TMEM207: variants seen among roughly 807,000 people sequenced by gnomAD.
TMEM207 encodes the protein SRSR846.
Under a neutral mutation model 17.4 loss-of-function variants are expected in TMEM207, and 15 were observed. The observed-to-expected ratio is 0.86, with a 90% CI of 0.58 to 1.33. The LOEUF (loss-of-function observed/expected upper bound fraction) is 1.33. Ranked by LOEUF, TMEM207 falls within the 40% of genes most tolerant of loss-of-function variation. TMEM207 has a pLI of 0.00. For synonymous variants in TMEM207, 70 were observed against 65.6 expected (o/e 1.07, Z -0.33); for missense variants, 205 against 173.8 (o/e 1.18, Z -1.01).
At chr3:190,449,562 T>C (rs778696091) in intron 1 of TMEM207, among the ~76,000 whole-genome samples, 173 bp downstream of exon 1, 2 of 152,362 alleles carry the variant, frequency 1.3e-5, no homozygotes, top group East Asian at 1.9e-4. Flanking sequence ...ACATTTTGTT[T>C]TGTCCCTCTG....
chr3:190,435,786 T>C (rs1012040376), intron 4 of TMEM207, among the ~76,000 whole-genome samples: 20 of 152,192 alleles, frequency 1.3e-4, no homozygotes, highest in African/African-American at 4.8e-4. Flanking sequence ...CTGTGGTCTG[T>C]GGTGTTTGGG....
rs184753074 is a variant in TMEM207, at chr3:190,449,816, A to C, written c.-7T>G. ...AAAGTCTGGATCTTGACATATTTAA[A>C]GGACAGTCAACTTAGGATAGTGGTT... On this transcript the variant is annotated 5_prime_UTR_variant, in exon 1 of 5. Transcript: ENST00000354905. 1 of 1,613,434 alleles carries C rather than the reference A, an allele frequency of 6.2e-7. No homozygotes were observed. The highest frequency in any genetic ancestry group is 8.5e-7 in the Non-Finnish European group (1 of 1,179,444).
Position 190,432,421 on chromosome 3 carries a change from G to A in TMEM207, c.305-2690C>T, listed in dbSNP as rs149013614. Among the ~76,000 whole-genome samples the A allele has an allele frequency of 7.2e-4, 109 of 152,278 alleles. No homozygotes were observed. In the East Asian group the frequency reaches 0.015, roughly 21 times the overall value. On this transcript the variant is annotated intron_variant, in intron 4 of 4. Transcript: ENST00000354905. ...GTCAGAATGATAGTGAACCTTCATA[G>A]AGTGGTAAGGAAGAATAAATGAGAT...
chr3:190,442,477 C>G (rs1278560423), intron 2 of TMEM207, among the ~76,000 whole-genome samples: 1 of 152,182 alleles, frequency 6.6e-6, no homozygotes, highest in Non-Finnish European at 1.5e-5. Context: ...TCAGAAATGA[C>G]TTTTAACATA....
At chr3:190,447,305 C>G (rs1029194767) in intron 2 of TMEM207, among the ~76,000 whole-genome samples, 1 of 152,120 alleles carries the variant, frequency 6.6e-6, no homozygotes, top group Admixed American at 6.5e-5. Context: ...GTCTATCGCA[C>G]AAAAAGTGAA....
intron 4 of TMEM207, among the ~76,000 whole-genome samples, chr3:190,433,528 C>T (rs543405366): frequency 2.8e-4 from 43 of 152,178 alleles, no homozygotes; most frequent in African/African-American, 9.4e-4. Context: ...AACTGCTGAG[C>T]GATGACCACA....
intron 4 of TMEM207, among the ~76,000 whole-genome samples, chr3:190,432,082 C>G (rs764021567): frequency 6.6e-6 from 1 of 152,044 alleles, no homozygotes; most frequent in Non-Finnish European, 1.5e-5. Flanking sequence ...ATTAAAAATG[C>G]CAGCAAAAAT....
At chr3:190,449,227 T>C (rs149498117) in intron 1 of TMEM207, among the ~76,000 whole-genome samples, 1 of 152,294 alleles carries the variant, frequency 6.6e-6, no homozygotes, top group Non-Finnish European at 1.5e-5. Context: ...TCTAAATCTT[T>C]CAGATACCTT....
chr3:190,443,660 C>T (rs528558921), intron 2 of TMEM207, among the ~76,000 whole-genome samples: 142 of 152,192 alleles, frequency 9.3e-4, no homozygotes, highest in African/African-American at 3.1e-3. Flanking sequence ...CTCCCCTCCT[C>T]GAATCATTAT....
At chr3:190,432,631 A>C (rs1402857467) in intron 4 of TMEM207, among the ~76,000 whole-genome samples, 1 of 152,198 alleles carries the variant, frequency 6.6e-6, no homozygotes, top group African/African-American at 2.4e-5. Context: ...TTTCTGAAAA[A>C]TCATAAAATA....
At position 190,430,657 on chromosome 3, in the gene TMEM207, A is replaced by G. The variant is rs375387752; in HGVS notation, c.305-926T>C. On this transcript the variant is annotated intron_variant, in intron 4 of 4. Transcript: ENST00000354905. ...AAAAATTCATCTTTAAAAAGAAACT[A>G]GTCCCGTGAACTAAATCGGGCCTCT... Among the ~76,000 whole-genome samples the G allele has an allele frequency of 5.3e-5, 8 of 152,208 alleles. No homozygotes were observed. The East Asian group carries it at 7.7e-4, about 15-fold the overall frequency.
At chr3:190,435,071 G>A (rs920293806) in intron 4 of TMEM207, among the ~76,000 whole-genome samples, 22 of 150,284 alleles carry the variant, frequency 1.5e-4, no homozygotes, top group Non-Finnish European at 2.2e-4. Context: ...CCTCTTCTTC[G>A]TTCTCTGACA....
intron 4 of TMEM207, among the ~76,000 whole-genome samples, chr3:190,432,272 C>T (rs1458344640): frequency 6.6e-6 from 1 of 152,166 alleles, no homozygotes; most frequent in Non-Finnish European, 1.5e-5. Context: ...CTTCTCTTTC[C>T]TTTACCTCAT....
At chr3:190,434,711 A>G (rs1213490844) in intron 4 of TMEM207, among the ~76,000 whole-genome samples, 1 of 152,238 alleles carries the variant, frequency 6.6e-6, no homozygotes, top group African/African-American at 2.4e-5. Flanking sequence ...GAAGGAACTA[A>G]GAAGGTCTCA....
chr3:190,433,200 C>T (rs1230671090), intron 4 of TMEM207, among the ~76,000 whole-genome samples: 2 of 152,136 alleles, frequency 1.3e-5, no homozygotes, highest in African/African-American at 2.4e-5. Flanking sequence ...CTTTTCTCAC[C>T]TCCAAAACTC....
At chr3:190,440,586 G>A (rs142753585) in intron 3 of TMEM207, among the ~76,000 whole-genome samples, 197 bp from the exon 4 acceptor site, 229 of 152,264 alleles carry the variant, frequency 1.5e-3, no homozygotes, top group African/African-American at 4.8e-3. Flanking sequence ...GCCTCAGAAA[G>A]GGTTGATCTT....
chr3:190,431,637 AAT>A (rs1719693536), intron 4 of TMEM207, among the ~76,000 whole-genome samples: 1 of 152,130 alleles, frequency 6.6e-6, no homozygotes, highest in African/African-American at 2.4e-5. Context: ...ACTTGTAATG[AAT>A]GATGGCTATT....
At position 190,440,282 on chromosome 3, in the gene TMEM207, ATGGTGCGCCTG is replaced by A. The variant is rs1560107623; in HGVS notation, c.255_265del (p.Arg86GlyfsTer32). 6.2e-7 allele frequency: 1 copy of A among 1,614,160 alleles called. No individual in the cohort carries two copies. The highest frequency in any genetic ancestry group is 1.7e-5 in the Admixed American group (1 of 60,022). The stretch of plus-strand genomic sequence containing the variant: ...CAAGTCTCCAACAGCAAAAACTGCC[ATGGTGCGCCTG>A]TGAGAATCAATTCGGGGTCTCCTCA... On this transcript the variant is annotated frameshift_variant, in exon 4 of 5. Coordinates refer to ENST00000354905, the MANE Select transcript of TMEM207 (RefSeq NM_207316.3). LOFTEE classifies it low-confidence loss of function (END_TRUNC).
At chr3:190,437,254 C>T (rs1050886115) in intron 4 of TMEM207, among the ~76,000 whole-genome samples, 6 of 152,156 alleles carry the variant, frequency 3.9e-5, no homozygotes, top group African/African-American at 1.4e-4. Flanking sequence ...AATAGTGAGG[C>T]TCTACTTAGT....
Sources: allele counts gnomAD v4.1 joint callset (sites outside exome capture counted in the v4.1 genomes callset), GRCh38; gene constraint gnomAD v4.1.1; transcripts MANE v1.5; gene names NCBI Gene and HGNC (gene_info 2026-07-23, HGNC 2026-07-21).